AHI1: variants seen among roughly 807,000 people sequenced by gnomAD.
AHI1 encodes jouberin.
AHI1 carries 123 observed loss-of-function variants against 149.3 expected under a neutral mutation model. The observed-to-expected ratio is 0.82, with a 90% CI of 0.71 to 0.96. The LOEUF is 0.96. Among genes scored for constraint, AHI1 ranks in the 40% least tolerant of loss-of-function variants. The pLI is 0.00. For synonymous variants in AHI1, 475 were observed against 459.8 expected, an observed-to-expected ratio of 1.03 and a Z score of -0.42; for missense variants, 1,439 against 1,422.7, an observed-to-expected ratio of 1.01 and a Z score of -0.18.
At chr6:135,285,856 C>A (rs113719301) in intron 28 of AHI1, among the ~76,000 whole-genome samples, 4 of 152,300 alleles carry the variant, frequency 2.6e-5, no homozygotes, top group Admixed American at 2.0e-4. Flanking sequence ...CTTTTTGTAT[C>A]ATTAGCAATT....
At chr6:135,350,547 C>A (rs563421654) in intron 24 of AHI1, among the ~76,000 whole-genome samples, 1 of 152,172 alleles carries the variant, frequency 6.6e-6, no homozygotes, top group African/African-American at 2.4e-5. Context: ...ATGGAACTTA[C>A]ATCCAGTTAA....
At chr6:135,288,096 AAAAAAC>A (rs1202874172) in intron 28 of AHI1, among the ~76,000 whole-genome samples, 2 of 152,026 alleles carry the variant, frequency 1.3e-5, no homozygotes. Flanking sequence ...CTCCCTCTCA[AAAAAAC>A]AAAAACAAAA....
At chr6:135,357,148 A>T (rs1441174969) in intron 24 of AHI1, among the ~76,000 whole-genome samples, 1 of 152,226 alleles carries the variant, frequency 6.6e-6, no homozygotes, top group African/African-American at 2.4e-5. Context: ...CATGTTGGCC[A>T]GGATGGTCTC....
intron 22 of AHI1, among the ~76,000 whole-genome samples, chr6:135,402,419 A>C (rs1780147917): frequency 6.6e-6 from 1 of 152,202 alleles, no homozygotes; most frequent in Non-Finnish European, 1.5e-5. Flanking sequence ...AAACAACCCA[A>C]ATGTTCATAA....
At chr6:135,295,666 CAGTG>C (rs1220193661) in intron 27 of AHI1, among the ~76,000 whole-genome samples, 1 of 152,048 alleles carries the variant, frequency 6.6e-6, no homozygotes, top group Non-Finnish European at 1.5e-5. Flanking sequence ...AAACTCTAGA[CAGTG>C]AGAGAAAGTA....
At chr6:135,429,841 C>G in intron 18 of AHI1, 41 bp downstream of exon 18, 1 of 1,162,728 alleles carries the variant, frequency 8.6e-7, no homozygotes, top group Non-Finnish European at 1.2e-6. Flanking sequence ...TCATTACTTA[C>G]TCTGTGAGTA....
chr6:135,470,516 G>A lies in AHI1; in HGVS notation c.136-2882C>T, dbSNP rs991789379. On this transcript the variant is annotated intron_variant, in intron 5 of 28. Coordinates refer to ENST00000265602, the MANE Select transcript of AHI1 (RefSeq NM_001134831.2). ...TTCTATTATAAAGATACATGCATGC[G>A]TATGTTCACTGCAGCACTACTCACA... Among the ~76,000 whole-genome samples the A allele has an allele frequency of 9.2e-5, 14 of 152,134 alleles. 1 individual carries two copies. The highest frequency in any genetic ancestry group is 5.2e-4 in the Admixed American group (8 of 15,286).
chr6:135,462,788 C>G (rs532928817), intron 8 of AHI1, among the ~76,000 whole-genome samples: 2 of 152,196 alleles, frequency 1.3e-5, no homozygotes, highest in South Asian at 4.2e-4. Flanking sequence ...GCAATCCCAG[C>G]TACTCAGGAG....
At chr6:135,397,381 C>T (rs1368892593) in intron 22 of AHI1, among the ~76,000 whole-genome samples, 1 of 151,682 alleles carries the variant, frequency 6.6e-6, no homozygotes, top group Non-Finnish European at 1.5e-5. Flanking sequence ...GATAGTCTAC[C>T]CTACACCAAT....
At chr6:135,469,911 G>A (rs1356305593) in intron 5 of AHI1, among the ~76,000 whole-genome samples, 1 of 152,078 alleles carries the variant, frequency 6.6e-6, no homozygotes, top group Non-Finnish European at 1.5e-5. Context: ...CACAGGCAAA[G>A]ATTTCATAAC....
At chr6:135,374,778 AGGTG>A (rs1775653207) in intron 23 of AHI1, among the ~76,000 whole-genome samples, 1 of 152,222 alleles carries the variant, frequency 6.6e-6, no homozygotes, top group Non-Finnish European at 1.5e-5. Context: ...ACAAAAGTCC[AGGTG>A]GCCCTTGACT....
chr6:135,492,475 C>T lies in AHI1; in HGVS notation c.-54-184G>A. 4.1e-6 allele frequency: 5 copies of T among 1,213,712 alleles called. No individual in the cohort carries two copies. In the South Asian group the frequency reaches 1.2e-4, roughly 28 times the overall value. 75.2% of individuals were successfully genotyped at this position (1,213,712 alleles called of 1,614,324 possible). ...GGTACATTTGAATCAGTTTAGGGCT[C>T]TAAAATCAAGGGAAACAAACTAGAT... On this transcript the variant is annotated intron_variant, in intron 3 of 28. Transcript: ENST00000265602.
At chr6:135,321,664 C>T (rs372842058) in intron 25 of AHI1, among the ~76,000 whole-genome samples, 2 of 152,170 alleles carry the variant, frequency 1.3e-5, no homozygotes, top group African/African-American at 2.4e-5. Flanking sequence ...TTTGTTTAGT[C>T]GTAGTTTTGG....
chr6:135,409,257 A>G (rs1250468009), intron 21 of AHI1, among the ~76,000 whole-genome samples: 2 of 152,154 alleles, frequency 1.3e-5, no homozygotes, highest in African/African-American at 4.8e-5. Flanking sequence ...GTATATACAC[A>G]CAAATATACA....
At chr6:135,300,327 A>G (rs1476955217) in intron 27 of AHI1, among the ~76,000 whole-genome samples, 173 bp downstream of exon 27, 2 of 128,062 alleles carry the variant, frequency 1.6e-5, no homozygotes, top group African/African-American at 6.9e-5. Context: ...TCTGTCTCCA[A>G]AAAAAAAAAA....
At chr6:135,400,340 G>A (rs971854848) in intron 22 of AHI1, among the ~76,000 whole-genome samples, 1 of 151,976 alleles carries the variant, frequency 6.6e-6, no homozygotes, top group African/African-American at 2.4e-5. Flanking sequence ...ATGTTCCGAG[G>A]TGGATTCGAC....
intron 14 of AHI1, among the ~76,000 whole-genome samples, chr6:135,439,091 C>G (rs1182116404): frequency 9.2e-5 from 14 of 152,162 alleles, no homozygotes; most frequent in Non-Finnish European, 5.9e-5. Context: ...GTTTCCAAGT[C>G]TCTGCTTCCA....
chr6:135,469,208 C>A (rs113941249), intron 5 of AHI1, among the ~76,000 whole-genome samples: 5 of 152,126 alleles, frequency 3.3e-5, no homozygotes, highest in African/African-American at 1.2e-4. Flanking sequence ...GTTCAACATA[C>A]GCAAATCAAT....
chr6:135,386,707 T>C (rs968587844), intron 23 of AHI1, among the ~76,000 whole-genome samples: 3 of 152,144 alleles, frequency 2.0e-5, no homozygotes, highest in African/African-American at 7.2e-5. Flanking sequence ...CTCAGCTCAC[T>C]GCAACTTCCG....
Sources: allele counts gnomAD v4.1 joint callset (sites outside exome capture counted in the v4.1 genomes callset), GRCh38; gene constraint gnomAD v4.1.1; transcripts MANE v1.5; gene names NCBI Gene and HGNC (gene_info 2026-07-23, HGNC 2026-07-21).